Variants in TNFAIP8 observed in about 807,000 individuals in gnomAD.
TNFAIP8 encodes the protein tumor necrosis factor alpha-induced protein 8.
In TNFAIP8, 7 loss-of-function variants were observed where a neutral mutation model predicts 13.3. That is an observed-to-expected ratio of 0.52 (90% confidence interval 0.30 to 0.99). The LOEUF (loss-of-function observed/expected upper bound fraction) is 0.99, where lower values mean the gene tolerates loss of function less well. Among genes scored for constraint, TNFAIP8 ranks in the 50% least tolerant of loss-of-function variants. The probability of loss-of-function intolerance (pLI) is 0.07; values close to 1 mark genes in which losing one functional copy is unlikely to be tolerated. For synonymous variants in TNFAIP8, 94 were observed against 87.6 expected (o/e 1.07, Z -0.41); for missense variants, 258 against 236.9 (o/e 1.09, Z -0.58).
intron 1 of TNFAIP8, among the ~76,000 whole-genome samples, chr5:119,278,032 A>G (rs1748510736): frequency 6.6e-6 from 1 of 152,172 alleles, no homozygotes; most frequent in African/African-American, 2.4e-5. Flanking sequence ...GAGGGGAGAT[A>G]CACCTTCAGA....
At chr5:119,332,974 G>T (rs1175153541) in intron 1 of TNFAIP8, among the ~76,000 whole-genome samples, 1 of 152,060 alleles carries the variant, frequency 6.6e-6, no homozygotes, top group Non-Finnish European at 1.5e-5. Flanking sequence ...TAGTTCTCCT[G>T]AGAACAGAAA....
At chr5:119,374,857 C>A (rs532270332) in intron 1 of TNFAIP8, among the ~76,000 whole-genome samples, 187 of 152,132 alleles carry the variant, frequency 1.2e-3, no homozygotes, top group African/African-American at 4.2e-3. Flanking sequence ...TTGAAAGTTC[C>A]CAACTTCTAC....
At chr5:119,326,060 A>T (rs904236477) in intron 1 of TNFAIP8, among the ~76,000 whole-genome samples, 1 of 152,216 alleles carries the variant, frequency 6.6e-6, no homozygotes, top group Non-Finnish European at 1.5e-5. Context: ...TTTGTAACAC[A>T]GGCAACCCCT....
At chr5:119,313,584 C>T (rs75716569) in intron 1 of TNFAIP8, among the ~76,000 whole-genome samples, 2 of 152,302 alleles carry the variant, frequency 1.3e-5, no homozygotes, top group Non-Finnish European at 2.9e-5. Flanking sequence ...AAGTTTAGTA[C>T]TTGCCAAAAT....
At chr5:119,294,957 G>A (rs1423871849) in intron 1 of TNFAIP8, among the ~76,000 whole-genome samples, 2 of 151,904 alleles carry the variant, frequency 1.3e-5, no homozygotes, top group Admixed American at 1.3e-4. Context: ...TGTCAGATGA[G>A]TAGGTTGCGA....
chr5:119,340,913 G>A (rs1750714426), intron 1 of TNFAIP8, among the ~76,000 whole-genome samples: 1 of 152,146 alleles, frequency 6.6e-6, no homozygotes. Context: ...AGAATTGGAT[G>A]TTGGCTGCCA....
intron 1 of TNFAIP8, among the ~76,000 whole-genome samples, chr5:119,287,205 A>G (rs185275315): frequency 4.7e-5 from 7 of 149,066 alleles, no homozygotes; most frequent in Admixed American, 2.0e-4. Context: ...TATTGATTCT[A>G]TCACTTACAG....
intron 1 of TNFAIP8, among the ~76,000 whole-genome samples, chr5:119,276,776 A>G (rs1450367892): frequency 6.6e-6 from 1 of 152,176 alleles, no homozygotes; most frequent in Non-Finnish European, 1.5e-5. Flanking sequence ...GCCTGTCTCC[A>G]AACACAGCCA....
intron 1 of TNFAIP8, among the ~76,000 whole-genome samples, chr5:119,347,022 A>G (rs1177534240): frequency 6.6e-6 from 1 of 152,230 alleles, no homozygotes; most frequent in East Asian, 1.9e-4. Context: ...CTGATATACC[A>G]TCTCCTATTA....
chr5:119,387,311 C>G (rs1413579838), intron 1 of TNFAIP8, among the ~76,000 whole-genome samples: 1 of 152,126 alleles, frequency 6.6e-6, no homozygotes, highest in Non-Finnish European at 1.5e-5. Context: ...ATTTAAAGAA[C>G]TTTTATTAAC....
chr5:119,366,278 G>T (rs1751854538), intron 1 of TNFAIP8, among the ~76,000 whole-genome samples: 2 of 152,178 alleles, frequency 1.3e-5, no homozygotes, highest in Non-Finnish European at 2.9e-5. Context: ...GTTAACAGGA[G>T]AGAAAGTGGG....
chr5:119,304,519 C>T (rs774820000), intron 1 of TNFAIP8, among the ~76,000 whole-genome samples: 2 of 152,192 alleles, frequency 1.3e-5, no homozygotes, highest in Admixed American at 6.5e-5. Context: ...GATCCCCTTC[C>T]CTGATACCAT....
At chr5:119,365,490 A>T (rs1030351231) in intron 1 of TNFAIP8, among the ~76,000 whole-genome samples, 12 of 152,176 alleles carry the variant, frequency 7.9e-5, no homozygotes, top group Non-Finnish European at 1.3e-4. Flanking sequence ...AGACAGCTTC[A>T]CTCAGGAGGT....
intron 1 of TNFAIP8, among the ~76,000 whole-genome samples, chr5:119,344,734 A>G (rs888162365): frequency 6.6e-6 from 1 of 152,252 alleles, no homozygotes; most frequent in Non-Finnish European, 1.5e-5. Flanking sequence ...AGGCCAATCC[A>G]GGAAACATTT....
At chr5:119,366,236 T>C (rs1198581901) in intron 1 of TNFAIP8, among the ~76,000 whole-genome samples, 4 of 152,182 alleles carry the variant, frequency 2.6e-5, no homozygotes, top group Non-Finnish European at 5.9e-5. Context: ...TTAAGAAGTT[T>C]TGGCAGCTTG....
At chr5:119,302,342 G>T (rs558361023) in intron 1 of TNFAIP8, among the ~76,000 whole-genome samples, 1 of 152,254 alleles carries the variant, frequency 6.6e-6, no homozygotes, top group South Asian at 2.1e-4. Context: ...CCTTTTATTA[G>T]AGAAAATGAT....
intron 1 of TNFAIP8, among the ~76,000 whole-genome samples, chr5:119,372,744 G>A (rs1439661112): frequency 6.6e-6 from 1 of 152,190 alleles, no homozygotes; most frequent in Non-Finnish European, 1.5e-5. Flanking sequence ...AGGATCACCT[G>A]AGGTCAGGAG....
At chr5:119,337,047 G>A (rs1750575023) in intron 1 of TNFAIP8, among the ~76,000 whole-genome samples, 1 of 152,166 alleles carries the variant, frequency 6.6e-6, no homozygotes, top group Admixed American at 6.5e-5. Context: ...GCTAAGTATA[G>A]AAGAAAATGA....
intron 1 of TNFAIP8, among the ~76,000 whole-genome samples, chr5:119,275,322 G>A (rs1748406967): frequency 1.3e-5 from 2 of 152,154 alleles, no homozygotes; most frequent in African/African-American, 4.8e-5. Flanking sequence ...TTCATTAGTT[G>A]AAAATCTAGA....
Sources: allele counts gnomAD v4.1 joint callset (sites outside exome capture counted in the v4.1 genomes callset), GRCh38; gene constraint gnomAD v4.1.1; transcripts MANE v1.5; gene names NCBI Gene and HGNC (gene_info 2026-07-23, HGNC 2026-07-21).